The following UNC13C variants were observed in gnomAD, a reference collection of about 807,000 sequenced individuals.
UNC13C encodes the protein protein unc-13 homolog C.
Under a neutral mutation model 245.4 loss-of-function variants are expected in UNC13C, and 174 were observed. The observed-to-expected ratio is 0.71, with a 90% CI of 0.63 to 0.80. The LOEUF is 0.80. UNC13C is among the 30% of genes least tolerant of loss of function. The pLI is 0.00. For synonymous variants in UNC13C, 992 were observed against 895.1 expected, an observed-to-expected ratio of 1.11 and a Z score of -1.93; for missense variants, 2,829 against 2,602.9, an observed-to-expected ratio of 1.09 and a Z score of -1.89.
intron 2 of UNC13C, among the ~76,000 whole-genome samples, chr15:54,057,231 A>G (rs1897572167): frequency 6.6e-6 from 1 of 151,952 alleles, no homozygotes; most frequent in African/African-American, 2.4e-5. Context: ...ACGTGCAGAG[A>G]CACACATAGG....
intron 7 of UNC13C, among the ~76,000 whole-genome samples, chr15:54,248,166 T>C (rs1485512584): frequency 6.6e-6 from 1 of 152,236 alleles, no homozygotes; most frequent in African/African-American, 2.4e-5. Context: ...TTCTGTTTTA[T>C]TCCCACTCAG....
chr15:54,270,488 C>A (rs1357031787), intron 10 of UNC13C, among the ~76,000 whole-genome samples: 1 of 152,022 alleles, frequency 6.6e-6, no homozygotes, highest in Non-Finnish European at 1.5e-5. Context: ...ATATGAATTT[C>A]ATAGAACTTG....
At chr15:54,019,723 G>A (rs994117808) in intron 2 of UNC13C, among the ~76,000 whole-genome samples, 1 of 152,144 alleles carries the variant, frequency 6.6e-6, no homozygotes, top group South Asian at 2.1e-4. Context: ...GTCAGAATAT[G>A]TTGACTTCCA....
the UNC13C span, among the ~76,000 whole-genome samples, chr15:53,937,800 G>T: frequency 8.6e-4 from 82 of 95,102 alleles, no homozygotes; most frequent in African/African-American, 3.1e-3. Flanking sequence ...CATAAGTGAC[G>T]GAGAACAATG....
At chr15:54,468,805 T>C (rs942390357) in intron 19 of UNC13C, among the ~76,000 whole-genome samples, 6 of 151,726 alleles carry the variant, frequency 4.0e-5, no homozygotes, top group African/African-American at 9.7e-5. Context: ...CATTGCTTAG[T>C]ATATCTGTTT....
At chr15:54,560,076 T>C (rs1379448360) in intron 29 of UNC13C, among the ~76,000 whole-genome samples, 1 of 152,028 alleles carries the variant, frequency 6.6e-6, no homozygotes. Flanking sequence ...AAGAAAACTT[T>C]AGTGGCTAAC....
At chr15:54,188,013 T>C (rs1195256850) in intron 4 of UNC13C, among the ~76,000 whole-genome samples, 1 of 152,092 alleles carries the variant, frequency 6.6e-6, no homozygotes, top group Non-Finnish European at 1.5e-5. Flanking sequence ...AGATGGAGTT[T>C]CATCATGTTG....
the UNC13C span, among the ~76,000 whole-genome samples, chr15:53,894,908 T>C: frequency 6.6e-6 from 1 of 152,196 alleles, no homozygotes; most frequent in Non-Finnish European, 1.5e-5. Flanking sequence ...GACTATATTA[T>C]TTCATTTAAA....
intron 29 of UNC13C, among the ~76,000 whole-genome samples, chr15:54,557,320 C>T (rs749261009): frequency 6.6e-6 from 1 of 151,888 alleles, no homozygotes; most frequent in Non-Finnish European, 1.5e-5. Context: ...GCTAGGCCTG[C>T]TGTGCCTGCT....
intron 19 of UNC13C, among the ~76,000 whole-genome samples, chr15:54,439,349 G>C (rs368951429): frequency 2.4e-4 from 37 of 151,868 alleles, no homozygotes; most frequent in African/African-American, 7.7e-4. Flanking sequence ...GGTTTCTTTC[G>C]ACTATGTAAT....
chr15:54,131,774 C>T (rs1167005528), intron 2 of UNC13C, among the ~76,000 whole-genome samples: 2 of 151,990 alleles, frequency 1.3e-5, no homozygotes, highest in Admixed American at 1.3e-4. Context: ...TGTGTTAGAA[C>T]CTTATTCACT....
intron 2 of UNC13C, among the ~76,000 whole-genome samples, chr15:54,018,465 A>AGATGTG (rs1306658074): frequency 3.9e-5 from 6 of 152,360 alleles, no homozygotes; most frequent in African/African-American, 1.4e-4. Context: ...CAATGTTTAT[A>AGATGTG]GATGTGGATA....
intron 17 of UNC13C, among the ~76,000 whole-genome samples, chr15:54,348,737 T>C (rs1462831935): frequency 6.6e-6 from 1 of 152,172 alleles, no homozygotes; most frequent in African/African-American, 2.4e-5. Context: ...CCCTTTCTTT[T>C]GGTTTTGCTC....
At chr15:54,212,983 A>G (rs989830877) in intron 4 of UNC13C, among the ~76,000 whole-genome samples, 1 of 152,078 alleles carries the variant, frequency 6.6e-6, no homozygotes, top group Non-Finnish European at 1.5e-5. Flanking sequence ...TTTGGATTAG[A>G]GACATAATGA....
chr15:54,521,733 G>T (rs1895221694), intron 24 of UNC13C, among the ~76,000 whole-genome samples: 1 of 152,124 alleles, frequency 6.6e-6, no homozygotes, highest in African/African-American at 2.4e-5. Flanking sequence ...TGATAACTCT[G>T]GAATATATGG....
intron 19 of UNC13C, among the ~76,000 whole-genome samples, chr15:54,470,689 A>G (rs1236586149): frequency 6.6e-6 from 1 of 151,244 alleles, no homozygotes; most frequent in East Asian, 1.9e-4. Context: ...ATCTTTTTAA[A>G]AGCCAATTTT....
chr15:53,874,181 G>T, the UNC13C span, among the ~76,000 whole-genome samples: 3 of 152,000 alleles, frequency 2.0e-5, no homozygotes, highest in African/African-American at 7.3e-5. Context: ...TTGCCATGTT[G>T]TCCAGGCTGT....
intron 5 of UNC13C, among the ~76,000 whole-genome samples, chr15:54,235,768 G>C (rs2035678759): frequency 6.6e-6 from 1 of 152,074 alleles, no homozygotes; most frequent in African/African-American, 2.4e-5. Flanking sequence ...GGAGAATGGC[G>C]TGAACCCGGG....
chr15:54,181,358 A>G lies in UNC13C; in HGVS notation c.3071+37674A>G, dbSNP rs28816380. Among the ~76,000 whole-genome samples the G allele has an allele frequency of 6.0e-3, 906 of 151,992 alleles. 14 individuals are homozygous for G. The highest frequency in any genetic ancestry group is 0.021 in the African/African-American group (872 of 41,488). ...TCTCTCTTCTGTTCCATTGGTCTAT[A>G]TGTCTGTTTTTGTACAAGTACCAAG... On this transcript the variant is annotated intron_variant, in intron 4 of 32. Transcript: ENST00000260323.
Sources: gnomAD v4.1 joint callset for allele counts (sites outside exome capture counted in the v4.1 genomes callset) on GRCh38, gnomAD v4.1.1 for gene constraint, MANE v1.5 for transcripts, NCBI Gene and HGNC (gene_info 2026-07-23, HGNC 2026-07-21) for gene names.